The following PARM1 variants were observed in gnomAD, a reference collection of about 807,000 sequenced individuals.
The protein encoded by PARM1 is prostate androgen-regulated mucin-like protein 1.
PARM1 carries 14 observed loss-of-function variants against 24.6 expected under a neutral mutation model. That is an observed-to-expected ratio of 0.57 (90% CI 0.38 to 0.89). PARM1 has a LOEUF of 0.89. Ranked by LOEUF, PARM1 falls within the 40% of genes least tolerant of loss-of-function variation. The pLI, the probability that PARM1 is intolerant of heterozygous loss-of-function variation, is 0.00. For synonymous variants in PARM1, 179 were observed against 156.6 expected, an observed-to-expected ratio of 1.14 and a Z score of -1.07; for missense variants, 362 against 380.4, an observed-to-expected ratio of 0.95 and a Z score of 0.40.
At chr4:75,020,058 A>G (rs1723063526) in intron 2 of PARM1, among the ~76,000 whole-genome samples, 1 of 151,740 alleles carries the variant, frequency 6.6e-6, no homozygotes, top group Admixed American at 6.6e-5. Flanking sequence ...GAAGCGAAAA[A>G]TGTATATTGT....
chr4:75,031,372 A>G (rs1270389489), intron 2 of PARM1, among the ~76,000 whole-genome samples: 1 of 152,208 alleles, frequency 6.6e-6, no homozygotes, highest in African/African-American at 2.4e-5. Context: ...ATCAGGAGGA[A>G]AATAACTGGC....
At chr4:74,949,687 G>A (rs899426554) in intron 1 of PARM1, among the ~76,000 whole-genome samples, 4 of 152,102 alleles carry the variant, frequency 2.6e-5, no homozygotes, top group Non-Finnish European at 4.4e-5. Context: ...ACATCACCTA[G>A]GCAAGGCCAA....
intron 1 of PARM1, among the ~76,000 whole-genome samples, chr4:75,007,025 C>T (rs190182273): frequency 6.6e-5 from 10 of 152,180 alleles, no homozygotes; most frequent in Middle Eastern, 3.4e-3. Context: ...AATAAATTTA[C>T]AAGAAAAAAT....
intron 1 of PARM1, among the ~76,000 whole-genome samples, chr4:74,948,604 A>C (rs998928489): frequency 7.9e-5 from 12 of 152,208 alleles, no homozygotes; most frequent in African/African-American, 2.9e-4. Context: ...GGAATCGCAC[A>C]GTGAGAGTCA....
chr4:75,000,635 C>T (rs900769257), intron 1 of PARM1, among the ~76,000 whole-genome samples: 6 of 152,132 alleles, frequency 3.9e-5, no homozygotes, highest in African/African-American at 9.7e-5. Context: ...TGTCTCATAG[C>T]GTATGTTCCA....
At chr4:74,988,890 T>C (rs1270271365) in intron 1 of PARM1, among the ~76,000 whole-genome samples, 1 of 152,078 alleles carries the variant, frequency 6.6e-6, no homozygotes, top group Non-Finnish European at 1.5e-5. Context: ...AGCACAATGA[T>C]TAAGATTACA....
intron 1 of PARM1, among the ~76,000 whole-genome samples, chr4:74,962,115 C>T (rs1721787193): frequency 6.6e-6 from 1 of 151,972 alleles, no homozygotes; most frequent in South Asian, 2.1e-4. Context: ...TACCTTTGGA[C>T]CCACAATGTG....
At chr4:74,956,153 A>G (rs1721628226) in intron 1 of PARM1, 1 of 152,238 alleles carries the variant, frequency 6.6e-6, no homozygotes, top group African/African-American at 2.4e-5. Flanking sequence ...CATTATAGAG[A>G]TGACAAAAGT....
intron 1 of PARM1, among the ~76,000 whole-genome samples, chr4:74,998,524 A>G (rs571266114): frequency 2.0e-5 from 3 of 152,308 alleles, no homozygotes; most frequent in Admixed American, 2.0e-4. Flanking sequence ...AAAATTCATT[A>G]CCCACAACAT....
intron 1 of PARM1, chr4:74,967,059 A>G (rs1378628368): frequency 6.6e-6 from 1 of 152,208 alleles, no homozygotes; most frequent in Non-Finnish European, 1.5e-5. Flanking sequence ...GAACTGTAAA[A>G]ACTTTACATG....
intron 1 of PARM1, among the ~76,000 whole-genome samples, chr4:74,986,541 A>G (rs536401433): frequency 6.6e-6 from 1 of 152,286 alleles, no homozygotes; most frequent in African/African-American, 2.4e-5. Context: ...CATTGTGCAT[A>G]TGTGTCTATG....
intron 1 of PARM1, among the ~76,000 whole-genome samples, chr4:74,992,190 G>A (rs1260668789): frequency 1.3e-5 from 2 of 152,042 alleles, no homozygotes; most frequent in Non-Finnish European, 2.9e-5. Context: ...TGTTCCTTTT[G>A]GGTTTTTATG....
rs920722170 is a variant in PARM1, at chr4:74,933,135, G to A, written c.-193G>A. 23 of 544,852 alleles carry A rather than the reference G, an allele frequency of 4.2e-5. No individual in the cohort carries two copies. Among genetic ancestry groups the A allele is most frequent in the Non-Finnish European group, 6.8e-5 (21 of 310,270 alleles). 33.8% of individuals were successfully genotyped at this position (544,852 alleles called of 1,614,324 possible). ...TGGAGCAGAAGAGCGCGGAGCACCG[G>A]AGGGCACGCAGCTGACGGAGCTGCG... is the stretch of plus-strand genomic sequence containing the variant. On this transcript the variant is annotated 5_prime_UTR_variant, in exon 1 of 4. Coordinates refer to ENST00000307428, the MANE Select transcript of PARM1 (RefSeq NM_015393.4).
intron 1 of PARM1, among the ~76,000 whole-genome samples, chr4:74,954,352 C>G (rs1215563949): frequency 1.3e-5 from 2 of 152,184 alleles, no homozygotes; most frequent in Admixed American, 1.3e-4. Flanking sequence ...AAAATGATGA[C>G]ATTTATCTTC....
At chr4:74,971,960 A>G (rs1040660957) in intron 1 of PARM1, among the ~76,000 whole-genome samples, 1 of 152,212 alleles carries the variant, frequency 6.6e-6, no homozygotes, top group African/African-American at 2.4e-5. Flanking sequence ...CACAGCCACA[A>G]GCATAATAAT....
chr4:74,984,899 C>T (rs1398807836), intron 1 of PARM1, among the ~76,000 whole-genome samples: 3 of 152,124 alleles, frequency 2.0e-5, no homozygotes, highest in African/African-American at 4.8e-5. Context: ...AAACATTTAC[C>T]TTCTGGCCCT....
intron 1 of PARM1, among the ~76,000 whole-genome samples, chr4:74,945,869 A>T (rs1721402243): frequency 6.6e-6 from 1 of 152,218 alleles, no homozygotes; most frequent in African/African-American, 2.4e-5. Flanking sequence ...GTGTAGGTAA[A>T]TGCTGGAGGA....
chr4:74,957,171 A>G (rs1237530645), intron 1 of PARM1: 3 of 152,230 alleles, frequency 2.0e-5, no homozygotes, highest in Non-Finnish European at 4.4e-5. Context: ...TCGGCTCTAT[A>G]TCAGCCCTGG....
intron 3 of PARM1, among the ~76,000 whole-genome samples, chr4:75,038,937 C>T (rs1723421311): frequency 6.6e-6 from 1 of 152,168 alleles, no homozygotes; most frequent in African/African-American, 2.4e-5. Context: ...GTTTTCTTCA[C>T]AAAAATAAAT....
Sources: gnomAD v4.1 joint callset for allele counts (sites outside exome capture counted in the v4.1 genomes callset) on GRCh38, gnomAD v4.1.1 for gene constraint, MANE v1.5 for transcripts, NCBI Gene and HGNC (gene_info 2026-07-23, HGNC 2026-07-21) for gene names.